Variants in NLGN4X observed in about 807,000 individuals in gnomAD.
NLGN4X encodes the protein neuroligin 4 X-linked.
In NLGN4X, 3 loss-of-function variants were observed where a neutral mutation model predicts 40.3. The ratio of observed to expected loss-of-function variants is 0.07; its 90% CI spans 0.03 to 0.19. The LOEUF (loss-of-function observed/expected upper bound fraction) is 0.19. Ranked by LOEUF, NLGN4X falls within the 10% of genes least tolerant of loss-of-function variation. NLGN4X has a pLI of 1.00. For missense variants in NLGN4X, 382 were observed against 708.3 expected (o/e 0.54, Z 5.23); for synonymous variants, 270 against 306.8 (o/e 0.88, Z 1.25).
At chrX:5,947,791 T>A (rs2034178537) in intron 3 of NLGN4X, among the ~76,000 whole-genome samples, 1 of 111,942 alleles carries the variant, frequency 8.9e-6, no homozygotes, top group South Asian at 3.7e-4. Flanking sequence ...GGTGTATGTG[T>A]ATGTTTGTGG....
At chrX:5,991,659 A>G (rs1450699240) in intron 3 of NLGN4X, 1 of 379,231 alleles carries the variant, frequency 2.6e-6, no homozygotes, top group East Asian at 4.5e-5. Context: ...TGCTAATAAC[A>G]GTAAACAAGT....
At chrX:6,009,088 C>T (rs35812438) in intron 3 of NLGN4X, among the ~76,000 whole-genome samples, 20,197 of 109,659 alleles carry the variant, frequency 0.18, 1,400 homozygotes, top group African/African-American at 0.21. Flanking sequence ...TGTGTGTACA[C>T]GCATAAATAT....
At chrX:6,033,324 A>C (rs920013934) in intron 2 of NLGN4X, among the ~76,000 whole-genome samples, 10 of 111,928 alleles carry the variant, frequency 8.9e-5, no homozygotes, top group Non-Finnish European at 1.5e-4. Context: ...TGCAATCTCA[A>C]AAAGTCAGAA....
Position 5,928,436 on chromosome X carries a change from T to C in NLGN4X, c.626-19197A>G, listed in dbSNP as rs1374197665. 4.5e-5 allele frequency among the ~76,000 whole-genome samples: 5 copies of C among 111,922 alleles called. No homozygotes were observed. The South Asian group carries it at 1.5e-3, about 33-fold the overall frequency. ...GGGACAACTCTATTCCAAGCAATCATGTGATGAGGACGAGGATGATCTCAG... is the reference window on the plus strand; with the variant it reads ...GGGACAACTCTATTCCAAGCAATCACGTGATGAGGACGAGGATGATCTCAG... On this transcript the variant is annotated intron_variant, in intron 3 of 5. Transcript: ENST00000381095.
At chrX:6,134,503 G>T (rs1313383257) in intron 2 of NLGN4X, among the ~76,000 whole-genome samples, 1 of 112,039 alleles carries the variant, frequency 8.9e-6, no homozygotes, top group Admixed American at 9.5e-5. Context: ...ACTAAATGAT[G>T]ATTCCAGTTA....
rs139986023 is a variant in NLGN4X, at chrX:6,068,038, G to A, written c.473-38606C>T. ...AGACCCAGACTCCTTTGTGTCTACC[G>A]TATAGTTTTAGGTGAGCACATAAAA... On this transcript the variant is annotated intron_variant, in intron 2 of 5. Coordinates refer to ENST00000381095, the MANE Select transcript of NLGN4X (RefSeq NM_181332.3). Among the ~76,000 whole-genome samples, 6 of 111,587 alleles carry A rather than the reference G, an allele frequency of 5.4e-5. No homozygotes were observed. The East Asian group carries it at 1.7e-3, about 32-fold the overall frequency.
intron 2 of NLGN4X, among the ~76,000 whole-genome samples, chrX:6,031,968 GA>G (rs1289790017): frequency 5.5e-5 from 6 of 110,039 alleles, no homozygotes; most frequent in Non-Finnish European, 1.1e-4. Context: ...ATTTTAAGGA[GA>G]AAAACGTTTT....
chrX:6,144,327 T>A (rs1467942914), intron 2 of NLGN4X, among the ~76,000 whole-genome samples: 1 of 111,113 alleles, frequency 9.0e-6, no homozygotes, highest in Non-Finnish European at 1.9e-5. Context: ...CTTCAGAGAC[T>A]CTGAACTTTT....
chrX:5,957,574 T>G (rs1158024924), intron 3 of NLGN4X, among the ~76,000 whole-genome samples: 1 of 112,342 alleles, frequency 8.9e-6, no homozygotes, highest in African/African-American at 3.2e-5. Flanking sequence ...GGTCACCCTC[T>G]GCCTGATCTC....
At position 6,035,920 on chromosome X, in the gene NLGN4X, AAC is replaced by A. The variant is rs1025297130; in HGVS notation, c.473-6490_473-6489del. Reference sequence around the variant, plus strand: ...TGAGAATACAGTGCATTGTATATATAACATACAAAAGATGTGATAATTAGCTG... The same window carrying A: ...TGAGAATACAGTGCATTGTATATATAATACAAAAGATGTGATAATTAGCTG... On this transcript the variant is annotated intron_variant, in intron 2 of 5. Transcript: ENST00000381095. 5.3e-5 allele frequency among the ~76,000 whole-genome samples: 6 copies of A among 112,158 alleles called. No homozygotes were observed. In the East Asian group the frequency reaches 1.7e-3, roughly 31 times the overall value.
chrX:6,076,733 GGCATGCTCAACC>G (rs1486819555), intron 2 of NLGN4X, among the ~76,000 whole-genome samples: 2 of 111,978 alleles, frequency 1.8e-5, no homozygotes, highest in African/African-American at 6.5e-5. Flanking sequence ...GAATACATCT[GGCATGCTCAACC>G]GCACTCATTA....
intron 1 of NLGN4X, among the ~76,000 whole-genome samples, chrX:6,174,547 A>C (rs998658792): frequency 8.9e-6 from 1 of 112,291 alleles, no homozygotes; most frequent in African/African-American, 3.2e-5. Context: ...GATGCCAATC[A>C]GTGGTGGGTG....
chrX:5,946,380 G>C (rs976099287), intron 3 of NLGN4X, among the ~76,000 whole-genome samples: 5 of 111,595 alleles, frequency 4.5e-5, no homozygotes, highest in African/African-American at 9.8e-5. Flanking sequence ...ATCATTTATT[G>C]TCCATATTGG....
chrX:6,048,448 G>A (rs1438477042), intron 2 of NLGN4X, among the ~76,000 whole-genome samples: 1 of 111,505 alleles, frequency 9.0e-6, no homozygotes, highest in Non-Finnish European at 1.9e-5. Context: ...CAAGACTGAA[G>A]AATCATCATT....
chrX:6,026,595 G>A (rs1354274933), intron 3 of NLGN4X, among the ~76,000 whole-genome samples: 3 of 111,693 alleles, frequency 2.7e-5, no homozygotes, highest in Non-Finnish European at 5.6e-5. Context: ...ACATTTTAAA[G>A]TCTCTATCGT....
intron 2 of NLGN4X, among the ~76,000 whole-genome samples, chrX:6,052,191 G>A (rs978099743): frequency 9.0e-6 from 1 of 110,722 alleles, no homozygotes; most frequent in Non-Finnish European, 1.9e-5. Flanking sequence ...GAGTCATGCT[G>A]CCCAGCCGAC....
At chrX:6,139,965 C>G (rs2039907766) in intron 2 of NLGN4X, among the ~76,000 whole-genome samples, 1 of 111,521 alleles carries the variant, frequency 9.0e-6, no homozygotes, top group Admixed American at 9.6e-5. Context: ...GTGTCATTGG[C>G]CCGACTGGAG....
In NLGN4X at chrX:6,121,149, T is replaced by TAC. The variant is rs35061904; in HGVS notation, c.472+29844_472+29845dup. On this transcript the variant is annotated intron_variant, in intron 2 of 5. Coordinates refer to ENST00000381095, the MANE Select transcript of NLGN4X (RefSeq NM_181332.3). ...TTTAAAATACACACATATATATACA[T>TAC]ACACACACACACACACACACACACA... 8.7e-4 allele frequency among the ~76,000 whole-genome samples: 89 copies of TAC among 102,505 alleles called. 2 individuals carry two copies. The East Asian group carries it at 9.7e-3, about 11-fold the overall frequency. The allele number at this position is 102,505 out of a possible 115,157, so 89.0% of individuals were successfully genotyped here.
chrX:6,120,290 T>C (rs1452966994), intron 2 of NLGN4X, among the ~76,000 whole-genome samples: 1 of 111,831 alleles, frequency 8.9e-6, no homozygotes. Flanking sequence ...ATACGAACAC[T>C]GTTTTGATCA....
Sources: gnomAD v4.1 joint callset for allele counts (sites outside exome capture counted in the v4.1 genomes callset) on GRCh38, gnomAD v4.1.1 for gene constraint, MANE v1.5 for transcripts, NCBI Gene and HGNC (gene_info 2026-07-23, HGNC 2026-07-21) for gene names.